ARHGAP26: variants seen among roughly 807,000 people sequenced by gnomAD.
ARHGAP26 encodes the protein Rho GTPase activating protein 26, also known as rho GTPase-activating protein 26.
ARHGAP26 carries 38 observed loss-of-function variants against 104.8 expected under a neutral mutation model. The ratio of observed to expected loss-of-function variants is 0.36; its 90% CI spans 0.28 to 0.48. ARHGAP26 has a LOEUF of 0.48. ARHGAP26 is among the 20% of genes least tolerant of loss of function. The probability of loss-of-function intolerance (pLI) is 0.99; values close to 1 mark genes in which losing one functional copy is unlikely to be tolerated. For synonymous variants in ARHGAP26, 341 were observed against 340.0 expected, an observed-to-expected ratio of 1.00 and a Z score of -0.03; for missense variants, 704 against 947.9, an observed-to-expected ratio of 0.74 and a Z score of 3.38.
chr5:142,813,614 C>T (rs886627301), intron 1 of ARHGAP26, among the ~76,000 whole-genome samples: 3 of 152,178 alleles, frequency 2.0e-5, no homozygotes, highest in Non-Finnish European at 2.9e-5. Flanking sequence ...GTTTTCTTCC[C>T]AGGTCTCTCT....
chr5:143,093,821 T>C (rs1287288633), intron 17 of ARHGAP26, among the ~76,000 whole-genome samples: 9 of 152,246 alleles, frequency 5.9e-5, no homozygotes, highest in Admixed American at 3.9e-4. Flanking sequence ...AGGGGGGTTC[T>C]GAATATTTTT....
chr5:143,081,918 A>G (rs246640), intron 17 of ARHGAP26, among the ~76,000 whole-genome samples: 148,485 of 151,906 alleles, frequency 0.98, 72,584 homozygotes, highest in East Asian at 1. Context: ...GCTGAGGCAG[A>G]AGAATGGCAT....
At chr5:143,093,131 C>T (rs1363736843) in intron 17 of ARHGAP26, among the ~76,000 whole-genome samples, 1 of 150,290 alleles carries the variant, frequency 6.7e-6, no homozygotes, top group Admixed American at 6.6e-5. Context: ...TCTTGAGTCA[C>T]TAAGCTACCT....
At chr5:142,820,450 A>AAACAAAC (rs1561897802) in intron 1 of ARHGAP26, among the ~76,000 whole-genome samples, 1 of 151,774 alleles carries the variant, frequency 6.6e-6, no homozygotes, top group African/African-American at 2.4e-5. Context: ...AAAAAACAAA[A>AAACAAAC]AAACAAACAA....
intron 12 of ARHGAP26, among the ~76,000 whole-genome samples, chr5:143,028,185 A>C (rs1001732888): frequency 6.6e-6 from 1 of 152,200 alleles, no homozygotes; most frequent in African/African-American, 2.4e-5. Context: ...GATGATGATG[A>C]TGATGATAAG....
At chr5:143,146,888 G>A (rs1380506204) in intron 19 of ARHGAP26, among the ~76,000 whole-genome samples, 2 of 152,226 alleles carry the variant, frequency 1.3e-5, no homozygotes, top group African/African-American at 2.4e-5. Flanking sequence ...TGAGGGGTCT[G>A]TGGAGGCTTT....
chr5:143,147,226 C>G lies in ARHGAP26; in HGVS notation c.1838-5C>G, dbSNP rs759625332. On this transcript the variant is annotated splice_region_variant and splice_polypyrimidine_tract_variant and intron_variant, in intron 19 of 22. Transcript: ENST00000645722. ...AATATGGGACTTGTGGCTTTTCCCC[C>G]CCAGAGGAACAAAGGAACAGCATCA... 197 of 1,613,306 alleles carry G rather than the reference C, an allele frequency of 1.2e-4. No homozygotes were observed. Among genetic ancestry groups the G allele is most frequent in the Admixed American group, 3.2e-4 (19 of 59,950 alleles).
intron 10 of ARHGAP26, among the ~76,000 whole-genome samples, chr5:142,930,675 C>T (rs1281675397): frequency 6.6e-6 from 1 of 152,058 alleles, no homozygotes; most frequent in Non-Finnish European, 1.5e-5. Context: ...TCTCTCCCGA[C>T]CCACACGCAT....
At chr5:143,221,461 A>G (rs2151432989) in intron 22 of ARHGAP26, among the ~76,000 whole-genome samples, 1 of 150,992 alleles carries the variant, frequency 6.6e-6, no homozygotes, top group South Asian at 2.1e-4. Flanking sequence ...AAAATTTGCA[A>G]GGAAATTAGA....
intron 11 of ARHGAP26, among the ~76,000 whole-genome samples, chr5:142,937,701 C>T (rs1765637084): frequency 6.6e-6 from 1 of 152,084 alleles, no homozygotes; most frequent in South Asian, 2.1e-4. Flanking sequence ...CAATAGAATA[C>T]TGTTTGGCAA....
rs1459463993 is a variant in ARHGAP26 at position 142,949,199 on chromosome 5, GA to G, written c.1107+17075del. Among the ~76,000 whole-genome samples, 161 of 33,674 alleles carry G rather than the reference GA, an allele frequency of 4.8e-3. 4 individuals are homozygous for G. The highest frequency in any genetic ancestry group is 0.022 in the East Asian group (10 of 452). 22.1% of individuals were successfully genotyped at this position (33,674 alleles called of 152,430 possible). On this transcript the variant is annotated intron_variant, in intron 11 of 22. Transcript: ENST00000645722. ...AGAGAGAGAGAGAGAGAGAGAGAGA[GA>G]GAGAGAGAGAGAGAGAGAGAGGAGA...
Position 142,949,200 on chromosome 5 carries a change from A to AG in ARHGAP26, c.1107+17076dup, listed in dbSNP as rs778905979. ...GAGAGAGAGAGAGAGAGAGAGAGAG[A>AG]GAGAGAGAGAGAGAGAGAGAGGAGA... On this transcript the variant is annotated intron_variant, in intron 11 of 22. Transcript: ENST00000645722. Among the ~76,000 whole-genome samples, 139 of 27,604 alleles carry AG rather than the reference A, an allele frequency of 5.0e-3. 6 individuals carry two copies. Among genetic ancestry groups the AG allele is most frequent in the African/African-American group, 9.4e-3 (27 of 2,860 alleles). 18.1% of individuals were successfully genotyped at this position (27,604 alleles called of 152,430 possible). A position where few individuals can be genotyped will look rare whatever the true frequency, so the allele number is the denominator to read the frequency against.
At chr5:142,947,056 A>AGCAAGGTT (rs1208580283) in intron 11 of ARHGAP26, 1 of 148,212 alleles carries the variant, frequency 6.7e-6, no homozygotes, top group Non-Finnish European at 1.5e-5. Flanking sequence ...TGCCCAGAAA[A>AGCAAGGTT]GCAAGGTTCC....
intron 10 of ARHGAP26, among the ~76,000 whole-genome samples, chr5:142,924,280 G>C (rs1295960555): frequency 1.3e-5 from 2 of 151,778 alleles, no homozygotes; most frequent in Non-Finnish European, 2.9e-5. Context: ...TTAAGATGCT[G>C]GTCTTTCTGG....
chr5:143,198,284 A>G (rs578253016), intron 20 of ARHGAP26, among the ~76,000 whole-genome samples: 3 of 152,236 alleles, frequency 2.0e-5, no homozygotes, highest in South Asian at 2.1e-4. Context: ...TGAGATAGCA[A>G]TTGTTACCAT....
intron 12 of ARHGAP26, among the ~76,000 whole-genome samples, chr5:143,026,302 AAAG>A (rs1182184038): frequency 6.6e-6 from 1 of 152,254 alleles, no homozygotes; most frequent in Non-Finnish European, 1.5e-5. Context: ...TATACAATGA[AAAG>A]AAATTGACAA....
intron 9 of ARHGAP26, chr5:142,908,865 C>T (rs1477125962): frequency 6.0e-6 from 1 of 167,338 alleles, no homozygotes; most frequent in African/African-American, 2.4e-5. Context: ...GCTGTTGCCT[C>T]TCGCCTCCTG....
chr5:142,770,882 A>C lies in ARHGAP26; in HGVS notation c.121A>C (p.Lys41Gln). 1.2e-6 allele frequency: 2 copies of C among 1,611,124 alleles called. No homozygotes were observed. The highest frequency in any genetic ancestry group is 1.7e-6 in the Non-Finnish European group (2 of 1,178,512). The change falls in exon 1 of 23, where the codon AAG (lysine) becomes CAG (glutamine). Residue 41 changes from lysine (K) to glutamine (Q), a missense_variant. Lys to Gln is a moderately conservative substitution (Grantham distance 53). This residue lies in a region of ARHGAP26 where 77 missense variants were observed against 82.6 expected (regional missense o/e 0.93). Transcript: ENST00000645722. The part of the protein sequence containing the change: ...KTNKFIKELI[K>Q]DGKSLISALK... ...CAACAAATTCATCAAGGAGCTCATC[A>C]AGGACGGGAAGTCACTCATAAGCGC...
chr5:143,196,109 C>A (rs56868806), intron 20 of ARHGAP26, among the ~76,000 whole-genome samples: 1,805 of 151,992 alleles, frequency 0.012, 35 homozygotes, highest in African/African-American at 0.041. Context: ...TATAAATGTA[C>A]GTCTTAACAA....
Sources: allele counts gnomAD v4.1 joint callset (sites outside exome capture counted in the v4.1 genomes callset), GRCh38; gene constraint gnomAD v4.1.1; regional missense constraint gnomAD v4.1.1; transcripts MANE v1.5; gene names NCBI Gene and HGNC (gene_info 2026-07-23, HGNC 2026-07-21).